GLYATL2: variants seen among roughly 807,000 people sequenced by gnomAD.
GLYATL2 encodes glycine N-acyltransferase-like protein 2.
In GLYATL2, 25 loss-of-function variants were observed where a neutral mutation model predicts 21.4. That is an observed-to-expected ratio of 1.17 (90% CI 0.85 to 1.63). The LOEUF is 1.63. GLYATL2 is among the 40% of genes most tolerant of loss of function. The pLI is 0.00. For synonymous variants in GLYATL2, 114 were observed against 118.2 expected, an observed-to-expected ratio of 0.96 and a Z score of 0.23; for missense variants, 361 against 343.3, an observed-to-expected ratio of 1.05 and a Z score of -0.41.
Position 58,877,821 on chromosome 11 carries a change from A to G in GLYATL2, n.60+26335T>C, listed in dbSNP as rs1165152793. Among the ~76,000 whole-genome samples the G allele has an allele frequency of 2.0e-5, 3 of 152,256 alleles. No homozygotes were observed. In the East Asian group the frequency reaches 5.8e-4, roughly 29 times the overall value. On this transcript the variant is annotated intron_variant and non_coding_transcript_variant, in intron 1 of 4. Coordinates refer to the GLYATL2 transcript ENST00000533636. ...GACAATAGTTTCAGTAAATTTTGCT[A>G]CAAAGTGTTAAAGCAAACTAAATAC...
chr11:58,842,875 C>T (rs1168714994), intron 1 of GLYATL2, among the ~76,000 whole-genome samples: 1 of 152,092 alleles, frequency 6.6e-6, no homozygotes, highest in Non-Finnish European at 1.5e-5. Flanking sequence ...ATCACACAGA[C>T]TCACCAAAAA....
chr11:58,842,093 A>G (rs1853563441), intron 1 of GLYATL2, among the ~76,000 whole-genome samples: 1 of 152,206 alleles, frequency 6.6e-6, no homozygotes, highest in East Asian at 1.9e-4. Context: ...GCCAATGTGT[A>G]AACAGGACAT....
chr11:58,864,469 C>G (rs192746597), intron 1 of GLYATL2, among the ~76,000 whole-genome samples: 1 of 149,186 alleles, frequency 6.7e-6, no homozygotes, highest in African/African-American at 2.4e-5. Context: ...GAGTGTGGGG[C>G]CATAGGGGCA....
upstream of GLYATL2, among the ~76,000 whole-genome samples, chr11:58,846,622 G>A (rs1853649571): frequency 6.6e-6 from 1 of 152,110 alleles, no homozygotes; most frequent in Non-Finnish European, 1.5e-5. Flanking sequence ...TGCCCATGGA[G>A]GCAGAGGGAG....
rs1590712085 is a variant in GLYATL2 at position 58,837,188 on chromosome 11, G to C, written c.314-11C>G. 2 of 1,613,194 alleles carry C rather than the reference G, an allele frequency of 1.2e-6. No individual in the cohort carries two copies. The highest frequency in any genetic ancestry group is 2.7e-5 in the African/African-American group (2 of 74,866). ...AGCCCTCTTGGCAACCTGGAGAAAG[G>C]AGAAAGACAAGTACCACTTTATGCC... On this transcript the variant is annotated splice_polypyrimidine_tract_variant and intron_variant, in intron 4 of 5. Coordinates refer to ENST00000287275, the MANE Select transcript of GLYATL2 (RefSeq NM_145016.4).
intron 1 of GLYATL2, among the ~76,000 whole-genome samples, chr11:58,851,514 C>T (rs563695): frequency 0.89 from 134,879 of 152,006 alleles, 60,992 homozygotes; most frequent in Non-Finnish European, 0.98. Flanking sequence ...AGGATTTTTG[C>T]ATCAGTATAT....
At chr11:58,872,182 T>C (rs10792203) in intron 1 of GLYATL2, among the ~76,000 whole-genome samples, 134,632 of 152,080 alleles carry the variant, frequency 0.89, 60,813 homozygotes, top group Non-Finnish European at 0.98. Flanking sequence ...TTCTGGATAT[T>C]AGCCCTTTGT....
At chr11:58,841,965 T>C (rs1439362856) in intron 1 of GLYATL2, among the ~76,000 whole-genome samples, 4 of 152,080 alleles carry the variant, frequency 2.6e-5, no homozygotes, top group Non-Finnish European at 5.9e-5. Flanking sequence ...AAGAAGAACA[T>C]GAGAATATCG....
chr11:58,901,031 C>A (rs1332708616), intron 1 of GLYATL2, among the ~76,000 whole-genome samples: 1 of 152,068 alleles, frequency 6.6e-6, no homozygotes, highest in Non-Finnish European at 1.5e-5. Context: ...TTCGCCTGCC[C>A]TGAGTAACTG....
At chr11:58,852,195 T>C (rs988224570) in intron 1 of GLYATL2, among the ~76,000 whole-genome samples, 1 of 152,194 alleles carries the variant, frequency 6.6e-6, no homozygotes, top group African/African-American at 2.4e-5. Flanking sequence ...TAAACTCAGT[T>C]CCCTTAACCC....
upstream of GLYATL2, among the ~76,000 whole-genome samples, chr11:58,906,821 C>A (rs550562950): frequency 1.3e-5 from 2 of 152,150 alleles, no homozygotes; most frequent in Non-Finnish European, 2.9e-5. Context: ...GCATTGAGGT[C>A]ATTCTGTGGC....
At chr11:58,908,577 G>A (rs955647955), upstream of GLYATL2, 9 of 183,046 alleles carry the variant, frequency 4.9e-5, no homozygotes, top group Admixed American at 1.5e-4. Context: ...ACTCCTCACT[G>A]GAGAGATAGT....
At chr11:58,875,600 G>T (rs957062115) in intron 1 of GLYATL2, among the ~76,000 whole-genome samples, 10 of 152,172 alleles carry the variant, frequency 6.6e-5, no homozygotes, top group African/African-American at 2.4e-4. Flanking sequence ...TTTTCTTTAA[G>T]AATGTTAAAT....
chr11:58,849,387 T>A (rs569406471), upstream of GLYATL2, among the ~76,000 whole-genome samples: 1 of 152,272 alleles, frequency 6.6e-6, no homozygotes, highest in Non-Finnish European at 1.5e-5. Flanking sequence ...CCCAAAGTGC[T>A]AGGATTACAG....
At chr11:58,841,895 A>T (rs1328052111) in intron 1 of GLYATL2, among the ~76,000 whole-genome samples, 1 of 152,186 alleles carries the variant, frequency 6.6e-6, no homozygotes, top group Non-Finnish European at 1.5e-5. Flanking sequence ...TTGGTAAGAG[A>T]TGTGGAATGA....
chr11:58,866,007 C>T (rs1320914756), intron 1 of GLYATL2, among the ~76,000 whole-genome samples: 2 of 148,736 alleles, frequency 1.3e-5, no homozygotes, highest in Non-Finnish European at 3.0e-5. Flanking sequence ...TGCCCCCAGC[C>T]AAGAAAGCAT....
chr11:58,881,307 A>T (rs759726387), intron 1 of GLYATL2, among the ~76,000 whole-genome samples: 4 of 152,216 alleles, frequency 2.6e-5, no homozygotes, highest in Non-Finnish European at 5.9e-5. Context: ...GACAGAACTG[A>T]AATTTGGAAC....
chr11:58,846,416 G>A (rs770546078), upstream of GLYATL2, among the ~76,000 whole-genome samples: 2 of 152,098 alleles, frequency 1.3e-5, no homozygotes, highest in Non-Finnish European at 2.9e-5. Flanking sequence ...TCATATCCCT[G>A]AAAGAGGCAC....
At chr11:58,893,181 C>T (rs1219992606) in intron 1 of GLYATL2, 1 of 355,614 alleles carries the variant, frequency 2.8e-6, no homozygotes, top group African/African-American at 2.2e-5. Context: ...CAGCCTGTAT[C>T]CTGGGTCCAC....
Sources: allele counts gnomAD v4.1 joint callset (sites outside exome capture counted in the v4.1 genomes callset), GRCh38; gene constraint gnomAD v4.1.1; transcripts MANE v1.5; gene names NCBI Gene and HGNC (gene_info 2026-07-23, HGNC 2026-07-21).